TOGARAM1: variants seen among roughly 807,000 people sequenced by gnomAD.
TOGARAM1 encodes the protein TOG array regulator of axonemal microtubules 1.
In TOGARAM1, 100 loss-of-function variants were observed where a neutral mutation model predicts 166.6. The observed-to-expected ratio is 0.60, with a 90% CI of 0.51 to 0.71. The LOEUF (loss-of-function observed/expected upper bound fraction) is 0.71, where lower values mean the gene tolerates loss of function less well. Among genes scored for constraint, TOGARAM1 ranks in the 30% least tolerant of loss-of-function variants. The pLI is 0.00. For synonymous variants in TOGARAM1, 758 were observed against 763.8 expected, an observed-to-expected ratio of 0.99 and a Z score of 0.13; for missense variants, 2,029 against 2,102.7, an observed-to-expected ratio of 0.96 and a Z score of 0.69.
At chr14:45,050,055 T>C (rs1163833645) in intron 14 of TOGARAM1, among the ~76,000 whole-genome samples, 1 of 152,132 alleles carries the variant, frequency 6.6e-6, no homozygotes, top group East Asian at 1.9e-4. Flanking sequence ...TCTCATATCA[T>C]TGGGTCCCCT....
chr14:44,985,456 G>A (rs117551956), intron 1 of TOGARAM1, among the ~76,000 whole-genome samples: 4 of 152,306 alleles, frequency 2.6e-5, no homozygotes, highest in South Asian at 4.1e-4. Flanking sequence ...TAGACTAGGG[G>A]GTGGGGGATG....
intron 1 of TOGARAM1, among the ~76,000 whole-genome samples, chr14:44,993,543 A>G (rs1887254388): frequency 6.6e-6 from 1 of 151,920 alleles, no homozygotes; most frequent in South Asian, 2.1e-4. Context: ...TTAACTCACA[A>G]CTCTTTCAAA....
chr14:44,978,893 G>T (rs2138750012), intron 1 of TOGARAM1, among the ~76,000 whole-genome samples: 1 of 151,792 alleles, frequency 6.6e-6, no homozygotes, highest in South Asian at 2.1e-4. Flanking sequence ...CAGCTCCTCA[G>T]GAGGCTGAGA....
rs965935761 is a variant in TOGARAM1 at position 44,999,954 on chromosome 14, C to T, written c.2338+457C>T. 5.9e-5 allele frequency among the ~76,000 whole-genome samples: 9 copies of T among 152,246 alleles called. No homozygotes were observed. The South Asian group carries it at 1.9e-3, about 32-fold the overall frequency. On this transcript the variant is annotated intron_variant, in intron 3 of 19. Transcript: ENST00000361462. ...ACTATAGTCACCTTATTGTGCTATA[C>T]TGAGCACTAGATCTTACTCCTTCTT...
At position 45,006,286 on chromosome 14, in the gene TOGARAM1, T is replaced by G. The variant is rs181419055; in HGVS notation, c.2904+19T>G. 299 of 1,545,312 alleles carry G rather than the reference T, an allele frequency of 1.9e-4. 5 individuals are homozygous for G. The East Asian group carries it at 6.5e-3, about 34-fold the overall frequency. ...AGAAGAGGTTAGAACCAAATATTTT[T>G]AATGACTTAAAAATATTTGCAATTT... On this transcript the variant is annotated intron_variant, in intron 5 of 19. Transcript: ENST00000361462.
In TOGARAM1 at chr14:44,963,801, C is replaced by G. The variant is rs969619145; in HGVS notation, c.1380C>G (p.Leu460=). 1 of 1,613,980 alleles carries G rather than the reference C, an allele frequency of 6.2e-7. No individual in the cohort carries two copies. Among genetic ancestry groups the G allele is most frequent in the Non-Finnish European group, 8.5e-7 (1 of 1,179,994 alleles). The change falls in exon 1 of 20, where the codon CTC becomes CTG. Residue 460 remains leucine, a synonymous_variant. Transcript: ENST00000361462. The stretch of plus-strand genomic sequence containing the variant: ...AACAAGAATACATGAAAATCTTCCT[C>G]AAGCTAATGAAGGAAGTAGGACCTC... The part of the protein sequence containing the change: ...VIKQEYMKIF[L]KLMKEVGPQQ...
intron 1 of TOGARAM1, among the ~76,000 whole-genome samples, chr14:44,972,063 T>A (rs1435969180): frequency 6.6e-6 from 1 of 152,072 alleles, no homozygotes; most frequent in African/African-American, 2.4e-5. Flanking sequence ...ACCAGATCTC[T>A]TGATAACTCA....
chr14:45,071,744 A>G lies in TOGARAM1; in HGVS notation c.5002A>G (p.Lys1668Glu). 5 of 1,612,642 alleles carry G rather than the reference A, an allele frequency of 3.1e-6. No homozygotes were observed. The highest frequency in any genetic ancestry group is 4.2e-6 in the Non-Finnish European group (5 of 1,179,576). Residue 1668 changes from lysine (K) to glutamate (E), a missense_variant, in exon 19 of 20, where the codon AAA becomes GAA. Physicochemically the swap from Lys to Glu is moderately conservative, Grantham distance 56. This residue lies in a region of TOGARAM1 where 576 missense variants were observed against 670.5 expected (regional missense o/e 0.86). Transcript: ENST00000361462. ...NYLLLQPFCT[K>E]AQFLNGKAKQ... ...CTTACTTCTACAGCCATTTTGCACA[A>G]AAGCTCAGTTTTTAAATGGAAAAGC...
chr14:45,014,043 C>CTTTTTTTT (rs33935090), intron 7 of TOGARAM1, among the ~76,000 whole-genome samples: 1 of 127,874 alleles, frequency 7.8e-6, no homozygotes, highest in Non-Finnish European at 1.7e-5. Context: ...GTTGCGTAAT[C>CTTTTTTTT]TTTTTTTTTT....
chr14:45,005,805 A>G (rs1424374771), intron 4 of TOGARAM1, among the ~76,000 whole-genome samples: 1 of 152,086 alleles, frequency 6.6e-6, no homozygotes, highest in Non-Finnish European at 1.5e-5. Context: ...ATTCTCTTCT[A>G]TTAATTCCTT....
At chr14:44,964,855 G>A (rs1885426267) in intron 1 of TOGARAM1, among the ~76,000 whole-genome samples, 1 of 147,564 alleles carries the variant, frequency 6.8e-6, no homozygotes, top group African/African-American at 2.5e-5. Flanking sequence ...TCAGACCTGG[G>A]AATTAGCAGT....
chr14:45,007,862 T>C (rs1421790098), intron 5 of TOGARAM1: 1 of 152,154 alleles, frequency 6.6e-6, no homozygotes, highest in African/African-American at 2.4e-5. Flanking sequence ...TGTTTTTTGT[T>C]TGTGTGTGTG....
chr14:45,040,932 A>G (rs1392445013), intron 11 of TOGARAM1, among the ~76,000 whole-genome samples: 1 of 152,022 alleles, frequency 6.6e-6, no homozygotes, highest in Non-Finnish European at 1.5e-5. Context: ...CCAGCTATTC[A>G]GGAGGCTAAG....
At chr14:45,035,483 A>G (rs1171660338) in intron 11 of TOGARAM1, among the ~76,000 whole-genome samples, 1 of 152,224 alleles carries the variant, frequency 6.6e-6, no homozygotes, top group African/African-American at 2.4e-5. Flanking sequence ...ACAGAGAAGG[A>G]GACAGAAAAG....
chr14:45,030,999 G>C (rs911903540), intron 10 of TOGARAM1, among the ~76,000 whole-genome samples: 3 of 152,140 alleles, frequency 2.0e-5, no homozygotes, highest in African/African-American at 7.2e-5. Context: ...CTGGTGTATA[G>C]TATTTAATAA....
intron 1 of TOGARAM1, among the ~76,000 whole-genome samples, chr14:44,985,483 G>T (rs1451016443): frequency 6.6e-6 from 1 of 152,326 alleles, no homozygotes; most frequent in East Asian, 1.9e-4. Context: ...GGATGAACCT[G>T]TTCCACCTCA....
chr14:45,049,236 C>G (rs1882238483), intron 14 of TOGARAM1, among the ~76,000 whole-genome samples: 1 of 151,882 alleles, frequency 6.6e-6, no homozygotes, highest in African/African-American at 2.4e-5. Flanking sequence ...TTCAGACTTC[C>G]TCTTTTTGTA....
intron 14 of TOGARAM1, among the ~76,000 whole-genome samples, chr14:45,051,735 TTTTTTTAGGA>T (rs1366637221): frequency 1.3e-5 from 2 of 151,830 alleles, no homozygotes; most frequent in African/African-American, 4.8e-5. Flanking sequence ...AATTTTTGTA[TTTTTTTAGGA>T]GAGACGGGGT....
chr14:45,047,421 G>T (rs1239851860), intron 14 of TOGARAM1, among the ~76,000 whole-genome samples: 1 of 151,288 alleles, frequency 6.6e-6, no homozygotes, highest in African/African-American at 2.4e-5. Context: ...AAAAATACAG[G>T]AATAATGCAT....
Sources: allele counts gnomAD v4.1 joint callset (sites outside exome capture counted in the v4.1 genomes callset), GRCh38; gene constraint gnomAD v4.1.1; regional missense constraint gnomAD v4.1.1; transcripts MANE v1.5; gene names NCBI Gene and HGNC (gene_info 2026-07-23, HGNC 2026-07-21).